RELT: variants seen among roughly 807,000 people sequenced by gnomAD.
The protein encoded by RELT is RELT TNF receptor, also known as tumor necrosis factor receptor superfamily member 19L.
RELT carries 37 observed loss-of-function variants against 51.1 expected under a neutral mutation model. The ratio of observed to expected loss-of-function variants is 0.72; its 90% CI spans 0.56 to 0.95. The LOEUF (loss-of-function observed/expected upper bound fraction) is 0.95, where lower values mean the gene tolerates loss of function less well. RELT is among the 40% of genes least tolerant of loss of function. The pLI is 0.00. For missense variants in RELT, 535 were observed against 572.6 expected (o/e 0.93, Z 0.67); for synonymous variants, 241 against 235.7 (o/e 1.02, Z -0.21).
intron 1 of RELT, among the ~76,000 whole-genome samples, chr11:73,387,764 G>T (rs1303131235): frequency 6.6e-6 from 1 of 152,068 alleles, no homozygotes; most frequent in Admixed American, 6.6e-5. Flanking sequence ...TGGGAGGGCC[G>T]GGCTGCCTGC....
At chr11:73,376,935 C>A in intron 1 of RELT, 1 of 153,430 alleles carries the variant, frequency 6.5e-6, no homozygotes, top group Non-Finnish European at 1.5e-5. Flanking sequence ...AAGGGGGGGT[C>A]TGGATGGTGT....
chr11:73,377,302 A>G (rs1222557163), intron 1 of RELT, among the ~76,000 whole-genome samples: 3 of 106,784 alleles, frequency 2.8e-5, no homozygotes, highest in Non-Finnish European at 5.1e-5. Context: ...GTCTGCGCCT[A>G]GGGTGATGAT....
chr11:73,394,075 C>T lies in RELT; in HGVS notation c.706+158C>T. 4 of 939,102 alleles carry T rather than the reference C, an allele frequency of 4.3e-6. No individual in the cohort carries two copies. Among genetic ancestry groups the T allele is most frequent in the South Asian group, 2.9e-5 (2 of 68,758 alleles). 58.2% of individuals were successfully genotyped at this position (939,102 alleles called of 1,614,324 possible). ...TGCTCTCTGACCCAGGAGTGCACACCTCTGCCTCCCATTCTTGCCTGATGA... is the reference window on the plus strand; with the variant it reads ...TGCTCTCTGACCCAGGAGTGCACACTTCTGCCTCCCATTCTTGCCTGATGA... On this transcript the variant is annotated intron_variant, in intron 7 of 10. Coordinates refer to ENST00000064780, the MANE Select transcript of RELT (RefSeq NM_152222.2). This position sits in a 1 kb window ranked among gnomAD's most constrained non-coding sequence, Gnocchi z 4.9.
At chr11:73,382,841 CCCT>C (rs920878981) in intron 1 of RELT, among the ~76,000 whole-genome samples, 4 of 152,190 alleles carry the variant, frequency 2.6e-5, no homozygotes, top group Admixed American at 2.6e-4. Context: ...TCTCAGACAT[CCCT>C]CCTCTAGCCC....
chr11:73,391,106 A>G (rs1866206798), intron 4 of RELT, 38 bp from the exon 5 acceptor site: 2 of 1,600,804 alleles, frequency 1.2e-6, no homozygotes, highest in African/African-American at 2.7e-5. Flanking sequence ...GTGTTTGGGG[A>G]AACTTCTGGG....
Position 73,394,981 on chromosome 11 carries a change from C to A in RELT, c.1047-106C>A. On this transcript the variant is annotated intron_variant, in intron 9 of 10. Transcript: ENST00000064780. This position sits in a 1 kb window ranked among gnomAD's most constrained non-coding sequence, Gnocchi z 4.9. ...CCCCATGGCACCCGGGCCTCTCAGG[C>A]TAAGGCTCTGGTCCATGAACTTGCT... The A allele has an allele frequency of 9.0e-7, 1 of 1,109,190 alleles. No individual in the cohort carries two copies. Among genetic ancestry groups the A allele is most frequent in the Non-Finnish European group, 1.3e-6 (1 of 755,458 alleles). The allele number at this position is 1,109,190 out of a possible 1,614,324, so 68.7% of individuals were successfully genotyped here.
Position 73,391,134 on chromosome 11 carries a change from C to T in RELT, c.288-10C>T, listed in dbSNP as rs765101728. 3.7e-6 allele frequency: 6 copies of T among 1,612,320 alleles called. No individual in the cohort carries two copies. The highest frequency in any genetic ancestry group is 1.7e-5 in the Admixed American group (1 of 59,806). On this transcript the variant is annotated splice_polypyrimidine_tract_variant and intron_variant, in intron 4 of 10. Coordinates refer to ENST00000064780, the MANE Select transcript of RELT (RefSeq NM_152222.2). ...CTTCTGGGCCTCAGTGGTATCTTCC[C>T]TCCTCGCAGGTGGTTTGGGCCTTGG...
At chr11:73,379,003 C>T (rs1470722722) in intron 1 of RELT, among the ~76,000 whole-genome samples, 1 of 152,156 alleles carries the variant, frequency 6.6e-6, no homozygotes, top group Non-Finnish European at 1.5e-5. Flanking sequence ...AGGGAGTGAC[C>T]TTGAGCTGGT....
chr11:73,392,654 CA>C, intron 6 of RELT, 186 bp downstream of exon 6: 2 of 1,421,326 alleles, frequency 1.4e-6, no homozygotes, highest in Non-Finnish European at 1.9e-6. Context: ...GCCGTGGGGG[CA>C]GAGCAGAGGT....
At chr11:73,392,863 C>T (rs1444431386) in intron 6 of RELT, 1 of 1,123,166 alleles carries the variant, frequency 8.9e-7, no homozygotes, top group African/African-American at 1.6e-5. Context: ...GCTGGCAGGG[C>T]AGCTGTCCTG....
At position 73,395,203 on chromosome 11, in the gene RELT, TC is replaced by T; in HGVS notation, c.1169del (p.Pro390LeufsTer7). On this transcript the variant is annotated frameshift_variant, in exon 10 of 11. Coordinates refer to ENST00000064780, the MANE Select transcript of RELT (RefSeq NM_152222.2). LOFTEE classifies it high-confidence loss of function. ...GDLPDSPQPG[L>X]PPEQQALLGS... ...CTCCCTGACTCCCCACAGCCTGGCC[TC>T]CCCCCTGAGCAGCAGGCCCTGCTAG... 1 of 1,612,908 alleles carries T rather than the reference TC, an allele frequency of 6.2e-7. No individual in the cohort carries two copies. The highest frequency in any genetic ancestry group is 1.7e-4 in the Middle Eastern group (1 of 6,056).
chr11:73,381,200 G>A (rs1590729325), intron 1 of RELT, among the ~76,000 whole-genome samples: 1 of 152,306 alleles, frequency 6.6e-6, no homozygotes, highest in African/African-American at 2.4e-5. Context: ...CTATAAATAA[G>A]CTGCCCATGT....
chr11:73,389,088 G>A (rs1400371369), intron 1 of RELT, 24 bp from the exon 2 acceptor site: 15 of 1,327,674 alleles, frequency 1.1e-5, no homozygotes, highest in South Asian at 7.5e-5. Context: ...CCGCTCTGCC[G>A]AGCCTCCTCT....
intron 1 of RELT, among the ~76,000 whole-genome samples, chr11:73,377,542 T>C (rs758137069): frequency 1.3e-5 from 2 of 151,764 alleles, no homozygotes; most frequent in Non-Finnish European, 2.9e-5. Context: ...GGCAGCAGGG[T>C]AGGGGCCCTG....
intron 6 of RELT, chr11:73,393,628 A>G: frequency 6.6e-7 from 1 of 1,521,024 alleles, no homozygotes; most frequent in Non-Finnish European, 8.8e-7. Context: ...TGTTGGGTGC[A>G]GGAAGCACTG....
At chr11:73,387,565 C>T in intron 1 of RELT, among the ~76,000 whole-genome samples, 1 of 152,232 alleles carries the variant, frequency 6.6e-6, no homozygotes, top group East Asian at 1.9e-4. Context: ...GCCCTACCTT[C>T]TCCTGTCCCT....
chr11:73,394,646 C>A lies in RELT; in HGVS notation c.958C>A (p.Pro320Thr). The A allele has an allele frequency of 6.2e-7, 1 of 1,613,840 alleles. No individual in the cohort carries two copies. The highest frequency in any genetic ancestry group is 8.5e-7 in the Non-Finnish European group (1 of 1,180,026). The change falls in exon 9 of 11, where the codon CCC becomes ACC. Residue 320 changes from proline to threonine, a missense_variant. By Grantham distance (38) the Pro-to-Thr change is conservative. Transcript: ENST00000064780. This position sits in a 1 kb window ranked among gnomAD's most constrained non-coding sequence, Gnocchi z 4.9. ...PEAVAATTPV[P>T]SLLPNPTRVP... Reference sequence around the variant, plus strand: ...GGCTGTAGCCGCCACTACTCCTGTTCCCAGCCTTCTGCCTAACCCGACCAG... The same window carrying A: ...GGCTGTAGCCGCCACTACTCCTGTTACCAGCCTTCTGCCTAACCCGACCAG...
In RELT at chr11:73,393,936, C is replaced by T. The variant is rs564232112; in HGVS notation, c.706+19C>T. ...AAGAAAGGTGAGGAGAAGGTCTGAC[C>T]CCATCCCAGTGCCCAGGAGAGGAGG... On this transcript the variant is annotated intron_variant, in intron 7 of 10. Transcript: ENST00000064780. The T allele has an allele frequency of 3.7e-6, 6 of 1,609,336 alleles. No homozygotes were observed. The highest frequency in any genetic ancestry group is 4.3e-6 in the Non-Finnish European group (5 of 1,175,964).
chr11:73,392,705 G>A (rs1866238546), intron 6 of RELT: 2 of 1,419,950 alleles, frequency 1.4e-6, no homozygotes, highest in Admixed American at 5.8e-5. Flanking sequence ...TCCTACCCTG[G>A]GTGAAGCCTT....
Sources: allele counts gnomAD v4.1 joint callset (sites outside exome capture counted in the v4.1 genomes callset), GRCh38; gene constraint gnomAD v4.1.1; non-coding constraint Gnocchi (gnomAD v3.1); transcripts MANE v1.5; gene names NCBI Gene and HGNC (gene_info 2026-07-23, HGNC 2026-07-21).